IGF2R: variants seen among roughly 807,000 people sequenced by gnomAD.
The protein encoded by IGF2R is insulin like growth factor 2 receptor.
A neutral mutation model predicts 270.6 loss-of-function variants in IGF2R; 91 were observed. That is an observed-to-expected ratio of 0.34 (90% confidence interval 0.28 to 0.40). The LOEUF (loss-of-function observed/expected upper bound fraction) is 0.40. IGF2R is among the 10% of genes least tolerant of loss of function. The pLI is 1.00. For synonymous variants in IGF2R, 1,316 were observed against 1,258.9 expected (o/e 1.05, Z -0.96); for missense variants, 2,805 against 3,188.3 (o/e 0.88, Z 2.90).
chr6:160,017,935 A>G (rs1052413136), intron 4 of IGF2R, among the ~76,000 whole-genome samples: 6 of 152,202 alleles, frequency 3.9e-5, no homozygotes, highest in Admixed American at 1.3e-4. Flanking sequence ...TTATAAAACA[A>G]TTATTCAAAC....
At chr6:160,057,961 A>G (rs925737735) in intron 20 of IGF2R, 62 bp from the exon 21 acceptor site, 92 of 950,742 alleles carry the variant, frequency 9.7e-5, no homozygotes, top group Non-Finnish European at 1.2e-5. Context: ...TGCTGTATGT[A>G]TGTTATGTTC....
chr6:159,994,447 G>A (rs765380347), intron 2 of IGF2R, among the ~76,000 whole-genome samples: 49 of 150,564 alleles, frequency 3.3e-4, no homozygotes, highest in Non-Finnish European at 5.3e-4. Flanking sequence ...TCTCAATTTC[G>A]TTTAGTTCTG....
chr6:159,993,010 A>C (rs1784001440), intron 2 of IGF2R, among the ~76,000 whole-genome samples: 1 of 152,106 alleles, frequency 6.6e-6, no homozygotes, highest in African/African-American at 2.4e-5. Context: ...ATGATTAGGG[A>C]TGTGGAACAT....
intron 1 of IGF2R, among the ~76,000 whole-genome samples, chr6:159,980,761 T>C (rs1783787401): frequency 6.6e-6 from 1 of 151,950 alleles, no homozygotes; most frequent in Non-Finnish European, 1.5e-5. Context: ...TCTGGGACCT[T>C]GGTGACAGGG....
chr6:160,009,450 C>G (rs553635647), intron 3 of IGF2R, among the ~76,000 whole-genome samples: 9 of 152,068 alleles, frequency 5.9e-5, no homozygotes, highest in Non-Finnish European at 1.3e-4. Context: ...ACCTCTTCTT[C>G]TAGCATTTCA....
intron 38 of IGF2R, 112 bp from the exon 39 acceptor site, chr6:160,080,017 C>CA (rs1227425691): frequency 7.6e-7 from 1 of 1,307,380 alleles, no homozygotes; most frequent in East Asian, 2.3e-5. Flanking sequence ...TGCCGGTTGT[C>CA]ACGTAGGTGC....
chr6:160,098,863 G>A (rs1051366790), intron 45 of IGF2R, among the ~76,000 whole-genome samples: 4 of 152,034 alleles, frequency 2.6e-5, no homozygotes, highest in South Asian at 2.1e-4. Context: ...AGCAATGTTC[G>A]CCCTAATAGA....
chr6:159,969,548 C>T (rs1775906478), intron 1 of IGF2R, among the ~76,000 whole-genome samples, 153 bp downstream of exon 1: 1 of 152,026 alleles, frequency 6.6e-6, no homozygotes, highest in African/African-American at 2.4e-5. Context: ...AAGTTGCCTG[C>T]GTGGTGTCCG....
intron 26 of IGF2R, among the ~76,000 whole-genome samples, 199 bp downstream of exon 26, chr6:160,062,818 T>A (rs1209595359): frequency 6.6e-6 from 1 of 151,906 alleles, no homozygotes; most frequent in Non-Finnish European, 1.5e-5. Flanking sequence ...GACATTTTCC[T>A]TGTGTGCCTG....
chr6:160,049,813 T>A (rs1778152955), intron 18 of IGF2R, among the ~76,000 whole-genome samples: 1 of 152,162 alleles, frequency 6.6e-6, no homozygotes, highest in Non-Finnish European at 1.5e-5. Flanking sequence ...CTGTGTGTAA[T>A]AGGTTTGTTT....
At chr6:159,977,476 A>G (rs956977717) in intron 1 of IGF2R, among the ~76,000 whole-genome samples, 16 of 143,988 alleles carry the variant, frequency 1.1e-4, no homozygotes, top group African/African-American at 3.4e-4. Context: ...CACCCTCCCA[A>G]TGTCACCCCC....
chr6:159,988,461 G>A (rs1342797450), intron 1 of IGF2R, among the ~76,000 whole-genome samples: 1 of 148,900 alleles, frequency 6.7e-6, no homozygotes, highest in Non-Finnish European at 1.5e-5. Context: ...TGCAATGAGC[G>A]GAGATTGCGC....
chr6:160,099,331 T>G (rs1248781034), intron 45 of IGF2R, among the ~76,000 whole-genome samples: 2 of 149,026 alleles, frequency 1.3e-5, no homozygotes, highest in Non-Finnish European at 3.0e-5. Context: ...TTTCCTCAGC[T>G]TTATGTTATG....
At chr6:160,089,413 G>A (rs996213574) in intron 43 of IGF2R, among the ~76,000 whole-genome samples, 160 bp downstream of exon 43, 6 of 152,326 alleles carry the variant, frequency 3.9e-5, no homozygotes, top group African/African-American at 4.8e-5. Context: ...GAGGAAAAGC[G>A]TTACTCAATC....
chr6:160,073,740 T>C lies in IGF2R; in HGVS notation c.4948-17T>C. Reference sequence around the variant, plus strand: ...AAATTTTTTTGTAGACTCAAAGCAGTCTTTCCTACTTAACAGACCGAATGT... The same window carrying C: ...AAATTTTTTTGTAGACTCAAAGCAGCCTTTCCTACTTAACAGACCGAATGT... On this transcript the variant is annotated splice_polypyrimidine_tract_variant and intron_variant, in intron 34 of 47. Transcript: ENST00000356956. The C allele has an allele frequency of 6.2e-7, 1 of 1,605,656 alleles. No homozygotes were observed. Among genetic ancestry groups the C allele is most frequent in the Non-Finnish European group, 8.5e-7 (1 of 1,172,854 alleles).
chr6:160,049,590 G>T (rs1464675284), intron 18 of IGF2R, among the ~76,000 whole-genome samples: 6 of 152,192 alleles, frequency 3.9e-5, no homozygotes, highest in Non-Finnish European at 7.3e-5. Context: ...CTTCCGCGCT[G>T]CACTGCCTGG....
In IGF2R at chr6:160,064,985, G is replaced by A; in HGVS notation, c.4115+84G>A. 5 of 873,788 alleles carry A rather than the reference G, an allele frequency of 5.7e-6. No individual in the cohort carries two copies. The South Asian group carries it at 6.8e-5, about 12-fold the overall frequency. 54.1% of individuals were successfully genotyped at this position (873,788 alleles called of 1,614,324 possible). ...AATAATTAGTGGTCTTGGGTGCAGG[G>A]GATTAGATTAGTCAGTTAATTTACC... is the stretch of plus-strand genomic sequence containing the variant. On this transcript the variant is annotated intron_variant, in intron 29 of 47. Transcript: ENST00000356956.
At chr6:160,095,244 G>A (rs1270373413) in intron 44 of IGF2R, 2 of 152,334 alleles carry the variant, frequency 1.3e-5, no homozygotes, top group African/African-American at 2.4e-5. Context: ...CAGACAATAT[G>A]CTTGGGGACT....
intron 1 of IGF2R, among the ~76,000 whole-genome samples, chr6:159,979,468 CTCTTT>C (rs946084689): frequency 2.0e-5 from 3 of 152,326 alleles, no homozygotes; most frequent in Admixed American, 6.5e-5. Context: ...CTTCTCTCTT[CTCTTT>C]TGTCTCTTTT....
Sources: gnomAD v4.1 joint callset for allele counts (sites outside exome capture counted in the v4.1 genomes callset) on GRCh38, gnomAD v4.1.1 for gene constraint, MANE v1.5 for transcripts, NCBI Gene and HGNC (gene_info 2026-07-23, HGNC 2026-07-21) for gene names.